Variants in RBBP8 observed in about 807,000 individuals in gnomAD.
RBBP8 encodes DNA endonuclease RBBP8.
In RBBP8, 88 loss-of-function variants were observed where a neutral mutation model predicts 108.3. That is an observed-to-expected ratio of 0.81 (90% CI 0.68 to 0.97). RBBP8 has a LOEUF of 0.97. RBBP8 is among the 50% of genes least tolerant of loss of function. The probability of loss-of-function intolerance (pLI) is 0.00; values close to 1 mark genes in which losing one functional copy is unlikely to be tolerated. For synonymous variants in RBBP8, 332 were observed against 348.2 expected, an observed-to-expected ratio of 0.95 and a Z score of 0.52; for missense variants, 1,023 against 1,049.0, an observed-to-expected ratio of 0.98 and a Z score of 0.34.
intron 6 of RBBP8, among the ~76,000 whole-genome samples, chr18:22,981,391 A>G (rs372054609): frequency 1.1e-3 from 174 of 152,276 alleles, no homozygotes; most frequent in African/African-American, 3.9e-3. Flanking sequence ...TGGATAACAC[A>G]TTTGGTTAAC....
intron 3 of RBBP8, among the ~76,000 whole-genome samples, chr18:22,947,031 C>T (rs1339930708): frequency 6.6e-6 from 1 of 152,034 alleles, no homozygotes; most frequent in Non-Finnish European, 1.5e-5. Flanking sequence ...ACATATTTTA[C>T]TCATGATTCT....
intron 2 of RBBP8, among the ~76,000 whole-genome samples, chr18:22,939,612 A>G (rs753005883): frequency 3.3e-5 from 5 of 152,194 alleles, no homozygotes; most frequent in Non-Finnish European, 7.4e-5. Flanking sequence ...GTTTTGAAAT[A>G]TGAACAACCC....
chr18:22,934,660 T>C (rs1910369728), intron 1 of RBBP8: 1 of 151,832 alleles, frequency 6.6e-6, no homozygotes, highest in African/African-American at 2.4e-5. Context: ...CTCCTAATCC[T>C]ATCCCTCCCC....
chr18:22,918,131 T>C (rs1909439740), intron 3 of RBBP8, among the ~76,000 whole-genome samples: 1 of 151,956 alleles, frequency 6.6e-6, no homozygotes, highest in South Asian at 2.1e-4. Context: ...ATTTTGAGAG[T>C]GGTACACCAA....
chr18:22,930,255 TG>T (rs1567940110), upstream of RBBP8, among the ~76,000 whole-genome samples: 1 of 152,232 alleles, frequency 6.6e-6, no homozygotes, highest in East Asian at 1.9e-4. Context: ...ATAGGTGTGC[TG>T]GGACATTAAA....
At chr18:23,022,341 C>A in intron 18 of RBBP8, 71 bp downstream of exon 18, 2 of 1,452,232 alleles carry the variant, frequency 1.4e-6, no homozygotes, top group South Asian at 1.2e-5. Context: ...TGGCTCACGC[C>A]TATAATCCCA....
At position 22,920,335 on chromosome 18, in the gene RBBP8, T is replaced by C. The variant is rs543124573; in HGVS notation, c.-154+3309T>C. On this transcript the variant is annotated intron_variant, in intron 3 of 4. Coordinates refer to the RBBP8 transcript ENST00000577588. ...GTTTTATACAAATAGCTAATTTGCATAACTCAAGACTAACAACTAAACTGC... is the reference window on the plus strand; with the variant it reads ...GTTTTATACAAATAGCTAATTTGCACAACTCAAGACTAACAACTAAACTGC... Among the ~76,000 whole-genome samples, 53 of 152,300 alleles carry C rather than the reference T, an allele frequency of 3.5e-4. No homozygotes were observed. In the South Asian group the frequency reaches 0.011, roughly 32 times the overall value.
intron 8 of RBBP8, among the ~76,000 whole-genome samples, chr18:22,988,513 C>T (rs971469112): frequency 2.0e-4 from 31 of 152,198 alleles, no homozygotes; most frequent in African/African-American, 7.0e-4. Flanking sequence ...TTCCTTCTCT[C>T]GAGTCAGCTT....
intron 3 of RBBP8, among the ~76,000 whole-genome samples, chr18:22,923,196 T>TA (rs1205516663): frequency 6.6e-6 from 1 of 152,176 alleles, no homozygotes; most frequent in Admixed American, 6.5e-5. Flanking sequence ...GCAAAACACT[T>TA]AAAGTACATA....
chr18:22,993,717 T>G lies in RBBP8; in HGVS notation c.1813-4T>G. 1 of 1,614,192 alleles carries G rather than the reference T, an allele frequency of 6.2e-7. No individual in the cohort carries two copies. Reference sequence around the variant, plus strand: ...TTTAGAGCTAACAATTATTTCTGTTTTAGAGTGCTGGTTCTCATGAGCCAA... The same window carrying G: ...TTTAGAGCTAACAATTATTTCTGTTGTAGAGTGCTGGTTCTCATGAGCCAA... On this transcript the variant is annotated splice_region_variant and splice_polypyrimidine_tract_variant and intron_variant, in intron 11 of 18. Transcript: ENST00000327155.
At chr18:22,964,462 TC>T (rs1435147755) in intron 4 of RBBP8, among the ~76,000 whole-genome samples, 1 of 149,512 alleles carries the variant, frequency 6.7e-6, no homozygotes, top group Non-Finnish European at 1.5e-5. Context: ...TCAAATCCCC[TC>T]CTGCGTTTCC....
chr18:22,985,229 T>G lies in RBBP8; in HGVS notation c.709+239T>G, dbSNP rs145997469. 39 of 202,822 alleles carry G rather than the reference T, an allele frequency of 1.9e-4. No individual in the cohort carries two copies. The East Asian group carries it at 6.3e-3, about 33-fold the overall frequency. 12.6% of individuals were successfully genotyped at this position (202,822 alleles called of 1,614,324 possible). A position where few individuals can be genotyped will look rare whatever the true frequency, so the allele number is the denominator to read the frequency against. On this transcript the variant is annotated intron_variant, in intron 8 of 18. Coordinates refer to ENST00000327155, the MANE Select transcript of RBBP8 (RefSeq NM_002894.3). ...TAAGTAAAGAAGGCTTTACTGTGATTTACTTATTTGTTCAACAAATATTGA... is the reference window on the plus strand; with the variant it reads ...TAAGTAAAGAAGGCTTTACTGTGATGTACTTATTTGTTCAACAAATATTGA...
rs11875295 is a variant in RBBP8 at position 22,941,467 on chromosome 18, T to C, written c.109+4507T>C. On this transcript the variant is annotated intron_variant, in intron 2 of 18. Coordinates refer to ENST00000327155, the MANE Select transcript of RBBP8 (RefSeq NM_002894.3). ...GATTACAGGCAGGAGCCACTGTGCC[T>C]GGCTATTTATAAGCTATTAATTTAA... Among the ~76,000 whole-genome samples, 296 of 152,214 alleles carry C rather than the reference T, an allele frequency of 1.9e-3. 8 individuals carry two copies. Among genetic ancestry groups the C allele is most frequent in the African/African-American group, 6.9e-3 (288 of 41,466 alleles).
chr18:22,937,099 G>C, intron 2 of RBBP8, 139 bp downstream of exon 2: 1 of 1,478,494 alleles, frequency 6.8e-7, no homozygotes, highest in Non-Finnish European at 9.0e-7. Flanking sequence ...TTTGGTACAT[G>C]GATAGATTGC....
At chr18:22,934,269 G>A (rs1439057239) in intron 1 of RBBP8, 1 of 152,328 alleles carries the variant, frequency 6.6e-6, no homozygotes, top group African/African-American at 2.4e-5. Context: ...ATGCGGGTAG[G>A]TGGAAAGGGT....
chr18:22,955,588 T>C (rs1371869509), intron 4 of RBBP8, among the ~76,000 whole-genome samples: 1 of 151,444 alleles, frequency 6.6e-6, no homozygotes, highest in Non-Finnish European at 1.5e-5. Flanking sequence ...TCTTTTTTTT[T>C]TTTTTTTGAG....
At chr18:22,957,285 C>CTTTTTTTTTTTTTTTTT (rs1912641266) in intron 4 of RBBP8, among the ~76,000 whole-genome samples, 1 of 43,188 alleles carries the variant, frequency 2.3e-5, no homozygotes. Flanking sequence ...GTTGTAATTA[C>CTTTTTTTTTTTTTTTTT]TTTTTCTTTT....
chr18:22,968,386 A>T (rs1335292210), intron 4 of RBBP8, among the ~76,000 whole-genome samples: 1 of 152,142 alleles, frequency 6.6e-6, no homozygotes, highest in Non-Finnish European at 1.5e-5. Flanking sequence ...TTGGCAAATA[A>T]ATTTTGATGA....
chr18:22,925,145 T>C (rs1404055334), intron 3 of RBBP8, among the ~76,000 whole-genome samples: 1 of 152,108 alleles, frequency 6.6e-6, no homozygotes, highest in Non-Finnish European at 1.5e-5. Flanking sequence ...GCTGAGATTG[T>C]GGGCATGAGC....
Sources: gnomAD v4.1 joint callset for allele counts (sites outside exome capture counted in the v4.1 genomes callset) on GRCh38, gnomAD v4.1.1 for gene constraint, MANE v1.5 for transcripts, NCBI Gene and HGNC (gene_info 2026-07-23, HGNC 2026-07-21) for gene names.